The following ZNF292 variants were observed in gnomAD, a reference collection of about 807,000 sequenced individuals.
ZNF292 encodes zinc finger protein 292, also known as 16 zinc-finger domain protein.
A neutral mutation model predicts 217.9 loss-of-function variants in ZNF292; 26 were observed. The observed-to-expected ratio is 0.12, with a 90% CI of 0.09 to 0.17. The LOEUF is 0.17. Ranked by LOEUF, ZNF292 falls within the 10% of genes least tolerant of loss-of-function variation. The pLI, the probability that ZNF292 is intolerant of heterozygous loss-of-function variation, is 1.00. For missense variants in ZNF292, 2,904 were observed against 3,175.2 expected (o/e 0.91, Z 2.05); for synonymous variants, 1,257 against 1,124.1 (o/e 1.12, Z -2.37).
In ZNF292 at chr6:87,161,339, A is replaced by C. The variant is rs142016855; in HGVS notation, c.168+5580A>C. The stretch of plus-strand genomic sequence containing the variant: ...ACGGGCAACTAGTGGGATATAAATT[A>C]GTAAGATAATATTTAAATATCACTT... On this transcript the variant is annotated intron_variant, in intron 1 of 7. Coordinates refer to ENST00000369577, the MANE Select transcript of ZNF292 (RefSeq NM_015021.3). Among the ~76,000 whole-genome samples the C allele has an allele frequency of 2.2e-3, 329 of 152,378 alleles. 2 individuals carry two copies. The highest frequency in any genetic ancestry group is 0.017 in the Middle Eastern group (5 of 294).
chr6:87,258,884 T>C lies in ZNF292; in HGVS notation c.5255T>C (p.Ile1752Thr), dbSNP rs774222720. 6.2e-6 allele frequency: 10 copies of C among 1,607,180 alleles called. No individual in the cohort carries two copies. The highest frequency in any genetic ancestry group is 1.7e-5 in the Admixed American group (1 of 58,754). ...TTGCAGATTTCTGAAGACAATGTTA[T>C]ACAAAACTTTGAAAAGACTCTTGAA... ...SDLQISEDNV[I>T]QNFEKTLEII... is the part of the protein sequence containing the mutation. Residue 1752 changes from isoleucine (I) to threonine (T), a missense_variant, in exon 8 of 8, where the codon ATA becomes ACA. Coordinates refer to ENST00000369577, the MANE Select transcript of ZNF292 (RefSeq NM_015021.3).
rs990086291 is a variant in ZNF292, at chr6:87,260,510, G to A, written c.6881G>A (p.Arg2294Lys). ...KHKAHLIRPR[R>K]LTPGQENMSS... ...AAGGCTCATTTGATTCGTCCAAGAA[G>A]ATTAACACCAGGCCAGGAAAATATG... Residue 2294 changes from arginine to lysine, a missense_variant, in exon 8 of 8, where the codon AGA (arginine) becomes AAA (lysine). Arg to Lys is a conservative substitution (Grantham distance 26). Coordinates refer to ENST00000369577, the MANE Select transcript of ZNF292 (RefSeq NM_015021.3). The A allele has an allele frequency of 6.2e-7, 1 of 1,613,330 alleles. No homozygotes were observed. The highest frequency in any genetic ancestry group is 1.3e-5 in the African/African-American group (1 of 74,946).
Position 87,215,886 on chromosome 6 carries a change from T to A in ZNF292, c.169-17T>A. On this transcript the variant is annotated splice_polypyrimidine_tract_variant and intron_variant, in intron 1 of 7. Coordinates refer to ENST00000369577, the MANE Select transcript of ZNF292 (RefSeq NM_015021.3). ...GATTTACATTTTGAATACTTTTTAT[T>A]ATTCCTTCCAAAACAGACACTCCTA... The A allele has an allele frequency of 6.4e-7, 1 of 1,558,006 alleles. No individual in the cohort carries two copies. Among genetic ancestry groups the A allele is most frequent in the Non-Finnish European group, 8.6e-7 (1 of 1,159,190 alleles).
At chr6:87,210,403 C>T (rs1772434881) in intron 1 of ZNF292, among the ~76,000 whole-genome samples, 1 of 151,966 alleles carries the variant, frequency 6.6e-6, no homozygotes. Context: ...CCGCAAGAAA[C>T]AGTGTGTTAG....
chr6:87,173,355 G>A (rs894743214), intron 1 of ZNF292: 3 of 152,330 alleles, frequency 2.0e-5, no homozygotes, highest in African/African-American at 7.2e-5. Flanking sequence ...ACTCCCTAAG[G>A]AAGATTACTT....
At chr6:87,206,253 A>T (rs1562139471) in intron 1 of ZNF292, among the ~76,000 whole-genome samples, 1 of 152,214 alleles carries the variant, frequency 6.6e-6, no homozygotes, top group Non-Finnish European at 1.5e-5. Flanking sequence ...TACCATTATG[A>T]TAAGTACTCC....
chr6:87,202,410 T>C (rs1772123910), intron 1 of ZNF292, among the ~76,000 whole-genome samples: 2 of 152,224 alleles, frequency 1.3e-5, no homozygotes, highest in African/African-American at 4.8e-5. Flanking sequence ...CTAACTACTA[T>C]ACTGAATTCT....
intron 4 of ZNF292, among the ~76,000 whole-genome samples, chr6:87,231,417 A>G (rs1216916157): frequency 6.6e-6 from 1 of 152,248 alleles, no homozygotes; most frequent in East Asian, 1.9e-4. Flanking sequence ...AACTGGCTTT[A>G]TGTCCCTAGG....
Position 87,258,397 on chromosome 6 carries a change from C to T in ZNF292, c.4768C>T (p.Pro1590Ser), listed in dbSNP as rs911481136. Residue 1590 changes from proline to serine, a missense_variant, in exon 8 of 8, where the codon CCT (proline) becomes TCT (serine). Physicochemically the swap from Pro to Ser is moderately conservative, Grantham distance 74 (BLOSUM62 -1). Around this residue, in one of 15 missense-constraint regions of ZNF292, gnomAD observed 622 missense variants for 573.1 expected, o/e 1.09. Coordinates refer to ENST00000369577, the MANE Select transcript of ZNF292 (RefSeq NM_015021.3). The stretch of plus-strand genomic sequence containing the variant: ...AAATGGTTTGTGCTCTAGTTCATTT[C>T]CTAATTCTGGTGGGCCATCACAAAA... ...VENGLCSSSF[P>S]NSGGPSQNFT... 3.9e-5 allele frequency: 63 copies of T among 1,613,534 alleles called. No homozygotes were observed. Among genetic ancestry groups the T allele is most frequent in the Non-Finnish European group, 5.1e-5 (60 of 1,179,788 alleles).
intron 1 of ZNF292, among the ~76,000 whole-genome samples, chr6:87,190,562 C>T (rs552222050): frequency 6.6e-5 from 10 of 152,260 alleles, no homozygotes; most frequent in African/African-American, 1.7e-4. Flanking sequence ...CAACCTCTGC[C>T]TCCCGGGTTC....
chr6:87,204,689 G>A (rs1037805690), intron 1 of ZNF292, among the ~76,000 whole-genome samples: 5 of 147,154 alleles, frequency 3.4e-5, no homozygotes, highest in African/African-American at 7.5e-5. Flanking sequence ...TCAGCCTCCC[G>A]AATAGCTGGG....
At chr6:87,189,478 A>G (rs570246910) in intron 1 of ZNF292, among the ~76,000 whole-genome samples, 12 of 151,940 alleles carry the variant, frequency 7.9e-5, no homozygotes, top group African/African-American at 2.7e-4. Context: ...CCAGAATCCC[A>G]TCTAGGATAC....
Position 87,263,106 on chromosome 6 carries a change from T to C in ZNF292, c.*1305T>C, listed in dbSNP as rs1015198469. 1.4e-4 allele frequency: 21 copies of C among 152,036 alleles called. No individual in the cohort carries two copies. Among genetic ancestry groups the C allele is most frequent in the African/African-American group, 4.8e-4 (20 of 41,426 alleles). 9.4% of individuals were successfully genotyped at this position (152,036 alleles called of 1,614,324 possible). A position where few individuals can be genotyped will look rare whatever the true frequency, so the allele number is the denominator to read the frequency against. On this transcript the variant is annotated 3_prime_UTR_variant, in exon 8 of 8. Coordinates refer to ENST00000369577, the MANE Select transcript of ZNF292 (RefSeq NM_015021.3). ...GTATTAGTTATAATTATTTTGGTTA[T>C]TCAGTATATAGTTAGCTCTTACAGT...
chr6:87,206,519 T>C (rs1298450460), intron 1 of ZNF292, among the ~76,000 whole-genome samples: 2 of 152,198 alleles, frequency 1.3e-5, no homozygotes, highest in African/African-American at 2.4e-5. Flanking sequence ...TTATATACTT[T>C]AAGCGTTTAT....
At position 87,257,333 on chromosome 6, in the gene ZNF292, C is replaced by G. The variant is rs769401598; in HGVS notation, c.3704C>G (p.Pro1235Arg). 6.2e-7 allele frequency: 1 copy of G among 1,613,610 alleles called. No homozygotes were observed. The highest frequency in any genetic ancestry group is 8.5e-7 in the Non-Finnish European group (1 of 1,179,752). ...GMLCSQMENL[P>R]STALPAQMED... ...TTATGTTCCCAAATGGAAAATTTAC[C>G]TAGTACTGCCTTGCCAGCACAAATG... Residue 1235 changes from proline to arginine, a missense_variant, in exon 8 of 8, where the codon CCT (proline) becomes CGT (arginine). This residue lies in a region of ZNF292 where 687 missense variants were observed against 623.0 expected (regional missense o/e 1.10). Transcript: ENST00000369577.
intron 1 of ZNF292, among the ~76,000 whole-genome samples, chr6:87,157,876 A>G (rs2127767061): frequency 6.6e-6 from 1 of 152,136 alleles, no homozygotes. Context: ...TTTAGTAGAG[A>G]TGAGGTTTGG....
At chr6:87,227,792 A>G (rs369801826) in intron 4 of ZNF292, among the ~76,000 whole-genome samples, 14 of 152,210 alleles carry the variant, frequency 9.2e-5, no homozygotes, top group East Asian at 5.8e-4. Context: ...TTAATGCTGA[A>G]TAATATTCCA....
At chr6:87,222,007 T>C (rs1231804119) in intron 4 of ZNF292, among the ~76,000 whole-genome samples, 1 of 152,182 alleles carries the variant, frequency 6.6e-6, no homozygotes, top group Non-Finnish European at 1.5e-5. Flanking sequence ...TGCTAACTTT[T>C]AATTATGTCT....
Position 87,215,923 on chromosome 6 carries a change from G to C in ZNF292, c.189G>C (p.Glu63Asp). Residue 63 changes from glutamate (E) to aspartate (D), a missense_variant, in exon 2 of 8, where the codon GAG becomes GAC. Physicochemically the swap from Glu to Asp is conservative, Grantham distance 45 (BLOSUM62 2). Transcript: ENST00000369577. Reference protein sequence around the residue: ...QLCQTLLEYAEKWKTSEDPLP... With the variant: ...QLCQTLLEYADKWKTSEDPLP... ...AACAGACACTCCTAGAATATGCAGA[G>C]AAATGGAAAACTTCAGAAGATCCTT... 2 of 1,598,914 alleles carry C rather than the reference G, an allele frequency of 1.3e-6. No individual in the cohort carries two copies. The highest frequency in any genetic ancestry group is 1.7e-6 in the Non-Finnish European group (2 of 1,175,262).
Sources: allele counts gnomAD v4.1 joint callset (sites outside exome capture counted in the v4.1 genomes callset), GRCh38; gene constraint gnomAD v4.1.1; regional missense constraint gnomAD v4.1.1; transcripts MANE v1.5; gene names NCBI Gene and HGNC (gene_info 2026-07-23, HGNC 2026-07-21).